The following SLC35D2 variants were observed in gnomAD, a reference collection of about 807,000 sequenced individuals.
The protein encoded by SLC35D2 is nucleotide sugar transporter SLC35D2.
A neutral mutation model predicts 41.8 loss-of-function variants in SLC35D2; 43 were observed. The observed-to-expected ratio is 1.03, with a 90% CI of 0.81 to 1.33. The LOEUF (loss-of-function observed/expected upper bound fraction) is 1.33, where lower values mean the gene tolerates loss of function less well. Among genes scored for constraint, SLC35D2 ranks in the 40% most tolerant of loss-of-function variants. SLC35D2 has a pLI of 0.00. For synonymous variants in SLC35D2, 150 were observed against 163.9 expected (o/e 0.92, Z 0.65); for missense variants, 380 against 408.4 (o/e 0.93, Z 0.60).
intron 10 of SLC35D2, 138 bp from the exon 11 acceptor site, chr9:96,322,218 C>A (rs1828270911): frequency 1.7e-6 from 1 of 602,932 alleles, no homozygotes. Context: ...GGTGGTTGAA[C>A]AAAATAAAAA....
intron 4 of SLC35D2, among the ~76,000 whole-genome samples, chr9:96,357,846 C>T (rs972468085): frequency 6.6e-6 from 1 of 151,684 alleles, no homozygotes; most frequent in African/African-American, 2.4e-5. Context: ...CAAGATCAGC[C>T]TGGGCAACAT....
intron 11 of SLC35D2, 128 bp from the exon 12 acceptor site, chr9:96,321,469 C>A: frequency 1.5e-6 from 1 of 657,458 alleles, no homozygotes; most frequent in African/African-American, 1.8e-5. Context: ...CTGTGTTTCT[C>A]CTCAAGTTTG....
chr9:96,344,693 G>A (rs1035636795), intron 7 of SLC35D2, among the ~76,000 whole-genome samples: 10 of 146,724 alleles, frequency 6.8e-5, no homozygotes, highest in Admixed American at 2.0e-4. Flanking sequence ...CTCATCCTCC[G>A]GGCTTCCTTG....
chr9:96,346,905 G>A (rs1805595933), intron 6 of SLC35D2, among the ~76,000 whole-genome samples: 1 of 151,994 alleles, frequency 6.6e-6, no homozygotes, highest in African/African-American at 2.4e-5. Flanking sequence ...GGGAGGCCAA[G>A]GTGGGTGGAT....
At chr9:96,365,040 C>CAA (rs59249417) in intron 2 of SLC35D2, among the ~76,000 whole-genome samples, 73 of 49,136 alleles carry the variant, frequency 1.5e-3, no homozygotes, top group Admixed American at 1.8e-3. Context: ...ACCACTGTCT[C>CAA]AAAAAAAAAA....
intron 9 of SLC35D2, among the ~76,000 whole-genome samples, chr9:96,329,453 G>A (rs1828708805): frequency 6.6e-6 from 1 of 151,990 alleles, no homozygotes; most frequent in African/African-American, 2.4e-5. Context: ...TCAAACTCCT[G>A]GCCTCAAGTG....
intron 8 of SLC35D2, among the ~76,000 whole-genome samples, chr9:96,339,085 T>C (rs1435729448): frequency 6.6e-6 from 1 of 152,222 alleles, no homozygotes; most frequent in Non-Finnish European, 1.5e-5. Flanking sequence ...TCTCATAAAA[T>C]ATTTAGATTC....
chr9:96,369,627 T>C (rs1036415936), intron 1 of SLC35D2, among the ~76,000 whole-genome samples: 3 of 152,146 alleles, frequency 2.0e-5, no homozygotes, highest in Non-Finnish European at 4.4e-5. Context: ...GACACACATA[T>C]ATGGATGCCT....
intron 1 of SLC35D2, among the ~76,000 whole-genome samples, chr9:96,369,464 A>G (rs1040627876): frequency 6.6e-6 from 1 of 152,166 alleles, no homozygotes. Context: ...GCACCAACAT[A>G]TCACCCAAGA....
chr9:96,319,069 T>C (rs1416191986), downstream of SLC35D2, among the ~76,000 whole-genome samples: 2 of 152,120 alleles, frequency 1.3e-5, no homozygotes, highest in African/African-American at 2.4e-5. Context: ...TGAACACCCA[T>C]ATTAATAGCA....
At chr9:96,347,329 G>A (rs891495054) in intron 6 of SLC35D2, among the ~76,000 whole-genome samples, 7 of 152,138 alleles carry the variant, frequency 4.6e-5, no homozygotes, top group Admixed American at 2.6e-4. Flanking sequence ...TCCCAGCAGC[G>A]CTGTTCCCAC....
At position 96,360,628 on chromosome 9, in the gene SLC35D2, CAAAAAAA is replaced by C. The variant is rs906000581; in HGVS notation, c.280-414_280-408del. Among the ~76,000 whole-genome samples, 51 of 15,692 alleles carry C rather than the reference CAAAAAAA, an allele frequency of 3.3e-3. 1 individual carries two copies. Among genetic ancestry groups the C allele is most frequent in the East Asian group, 0.02 (29 of 1,448 alleles). The allele number at this position is 15,692 out of a possible 152,430, so 10.3% of individuals were successfully genotyped here. A position where few individuals can be genotyped will look rare whatever the true frequency, so the allele number is the denominator to read the frequency against. On this transcript the variant is annotated intron_variant, in intron 3 of 11. Transcript: ENST00000253270. ...TGGGCAACAGAGCAAGACTTCATCT[CAAAAAAA>C]AAAAAAAAAAAAAAAAAAAGAAAAG...
chr9:96,323,522 T>G (rs766996988), intron 10 of SLC35D2, among the ~76,000 whole-genome samples: 4 of 152,202 alleles, frequency 2.6e-5, no homozygotes, highest in Non-Finnish European at 4.4e-5. Context: ...AGCTTTTTAC[T>G]TCATTTTCCC....
At position 96,321,136 on chromosome 9, in the gene SLC35D2, C is replaced by A; in HGVS notation, c.*106G>T. 1 of 787,266 alleles carries A rather than the reference C, an allele frequency of 1.3e-6. No homozygotes were observed. Among genetic ancestry groups the A allele is most frequent in the Admixed American group, 2.2e-5 (1 of 45,548 alleles). The allele number at this position is 787,266 out of a possible 1,614,324, so 48.8% of individuals were successfully genotyped here. On this transcript the variant is annotated 3_prime_UTR_variant, in exon 12 of 12. Transcript: ENST00000253270. ...CATTTTGCAGATGCTCTCACTTGCC[C>A]AGGGGGTGGATGTCACGAATCCGAA...
At chr9:96,317,128 A>G (rs1828071338), downstream of SLC35D2, among the ~76,000 whole-genome samples, 1 of 148,598 alleles carries the variant, frequency 6.7e-6, no homozygotes, top group Admixed American at 6.7e-5. Flanking sequence ...ACAGAGCAAG[A>G]CTCCCTCTCA....
intron 10 of SLC35D2, among the ~76,000 whole-genome samples, chr9:96,323,643 G>T (rs1026746877): frequency 1.3e-5 from 2 of 151,906 alleles, no homozygotes; most frequent in African/African-American, 4.8e-5. Context: ...GAAGTAAGAC[G>T]GGGCCGGGCT....
At chr9:96,373,618 C>T (rs553336365) in intron 1 of SLC35D2, among the ~76,000 whole-genome samples, 1 of 149,020 alleles carries the variant, frequency 6.7e-6, no homozygotes, top group East Asian at 2.0e-4. Flanking sequence ...ACCTGGTAAG[C>T]GGAGGTTGCA....
chr9:96,321,137 A>AG lies in SLC35D2; in HGVS notation c.*104dup, dbSNP rs1828199209. 1 of 793,032 alleles carries AG rather than the reference A, an allele frequency of 1.3e-6. No individual in the cohort carries two copies. The highest frequency in any genetic ancestry group is 1.6e-5 in the South Asian group (1 of 62,052). 49.1% of individuals were successfully genotyped at this position (793,032 alleles called of 1,614,324 possible). A position where few individuals can be genotyped will look rare whatever the true frequency, so the allele number is the denominator to read the frequency against. On this transcript the variant is annotated 3_prime_UTR_variant, in exon 12 of 12. Transcript: ENST00000253270. The stretch of plus-strand genomic sequence containing the variant: ...ATTTTGCAGATGCTCTCACTTGCCC[A>AG]GGGGGTGGATGTCACGAATCCGAAA...
chr9:96,338,803 A>G (rs1829174114), intron 8 of SLC35D2, among the ~76,000 whole-genome samples: 1 of 152,194 alleles, frequency 6.6e-6, no homozygotes, highest in Non-Finnish European at 1.5e-5. Flanking sequence ...AAAGCCAAAA[A>G]GTTTATGCTT....
Sources: allele counts gnomAD v4.1 joint callset (sites outside exome capture counted in the v4.1 genomes callset), GRCh38; gene constraint gnomAD v4.1.1; transcripts MANE v1.5; gene names NCBI Gene and HGNC (gene_info 2026-07-23, HGNC 2026-07-21).